The following CFAP221 variants were observed in gnomAD, a reference collection of about 807,000 sequenced individuals.
CFAP221 encodes the protein cilia- and flagella-associated protein 221.
A neutral mutation model predicts 113.1 loss-of-function variants in CFAP221; 97 were observed. The ratio of observed to expected loss-of-function variants is 0.86; its 90% CI spans 0.73 to 1.02. CFAP221 has a LOEUF of 1.02. Among genes scored for constraint, CFAP221 ranks in the 50% least tolerant of loss-of-function variants. The pLI is 0.00. For missense variants in CFAP221, 1,025 were observed against 1,013.4 expected, an observed-to-expected ratio of 1.01 and a Z score of -0.16; for synonymous variants, 331 against 354.4, an observed-to-expected ratio of 0.93 and a Z score of 0.74.
chr2:119,633,142 A>G (rs907381977), intron 19 of CFAP221, among the ~76,000 whole-genome samples: 1 of 152,056 alleles, frequency 6.6e-6, no homozygotes, highest in African/African-American at 2.4e-5. Context: ...ATGTTAGAAC[A>G]TTTGGATATC....
At position 119,551,875 on chromosome 2, in the gene CFAP221, T is replaced by A. The variant is rs116932917; in HGVS notation, c.240+2690T>A. Among the ~76,000 whole-genome samples, 148 of 152,352 alleles carry A rather than the reference T, an allele frequency of 9.7e-4. No individual in the cohort carries two copies. In the East Asian group the frequency reaches 0.027, roughly 28 times the overall value. On this transcript the variant is annotated intron_variant, in intron 3 of 23. Transcript: ENST00000413369. Reference sequence around the variant, plus strand: ...CTTAAGAATATTAAGTCACAATTCTTTTTTATAATAAATGTTTCGTAACTT... The same window carrying A: ...CTTAAGAATATTAAGTCACAATTCTATTTTATAATAAATGTTTCGTAACTT...
At chr2:119,559,413 A>G (rs986987172) in intron 3 of CFAP221, among the ~76,000 whole-genome samples, 1 of 151,984 alleles carries the variant, frequency 6.6e-6, no homozygotes, top group African/African-American at 2.4e-5. Flanking sequence ...AGGGGGCCCT[A>G]AAGGATGCTA....
Position 119,628,289 on chromosome 2 carries a change from T to TCTGGGG in CFAP221, c.1650+503_1650+504insCTGGGG, listed in dbSNP as rs376279965. Among the ~76,000 whole-genome samples, 7 of 8,884 alleles carry TCTGGGG rather than the reference T, an allele frequency of 7.9e-4. 1 individual carries two copies. The highest frequency in any genetic ancestry group is 1.4e-3 in the African/African-American group (7 of 5,082). The allele number at this position is 8,884 out of a possible 152,430, so 5.8% of individuals were successfully genotyped here. On this transcript the variant is annotated intron_variant, in intron 16 of 23. Transcript: ENST00000413369. The stretch of plus-strand genomic sequence containing the variant: ...ACCCACTTCTCTCTCTCTCTCTCTC[T>TCTGGGG]GGGGGGTGTGTGTGTGTGTGTGTGT...
intron 7 of CFAP221, chr2:119,589,855 G>A (rs981057810): frequency 6.6e-6 from 1 of 152,140 alleles, no homozygotes; most frequent in African/African-American, 2.4e-5. Flanking sequence ...TTCCTGTACT[G>A]CTGACAAGAA....
chr2:119,615,704 C>T lies in CFAP221; in HGVS notation c.1405C>T (p.Arg469Cys), dbSNP rs769264898. Reference protein sequence around the residue: ...RAQKRFQQVARKVMIQGRLFN... With the variant: ...RAQKRFQQVACKVMIQGRLFN... ...ACAAAAACGGTTTCAACAAGTAGCA[C>T]GCAAGGTAAGTCTCAGCACCAGCTG... Residue 469 changes from arginine to cysteine, a missense_variant, in exon 14 of 24, where the codon CGC becomes TGC. Arg to Cys is a radical substitution (Grantham distance 180, BLOSUM62 -3). Transcript: ENST00000413369. 49 of 1,607,866 alleles carry T rather than the reference C, an allele frequency of 3.0e-5. No individual in the cohort carries two copies. The highest frequency in any genetic ancestry group is 1.3e-4 in the East Asian group (6 of 44,766).
chr2:119,589,556 A>G (rs144016156), intron 7 of CFAP221: 2 of 152,362 alleles, frequency 1.3e-5, no homozygotes, highest in East Asian at 3.9e-4. Context: ...TTTCTAAAAG[A>G]CTTGGGACAT....
Position 119,569,408 on chromosome 2 carries a change from G to T in CFAP221, c.527+7294G>T, listed in dbSNP as rs191267914. 8.4e-3 allele frequency among the ~76,000 whole-genome samples: 1,216 copies of T among 144,400 alleles called. 6 individuals carry two copies. Among genetic ancestry groups the T allele is most frequent in the Non-Finnish European group, 0.014 (942 of 65,620 alleles). The allele number at this position is 144,400 out of a possible 152,430, so 94.7% of individuals were successfully genotyped here. On this transcript the variant is annotated intron_variant, in intron 6 of 23. Coordinates refer to ENST00000413369, the MANE Select transcript of CFAP221 (RefSeq NM_001271049.2). Reference sequence around the variant, plus strand: ...GCTGGGATTACAGATGTGAGCCACCGCACCGGCCTTCTTTCAATATTTTTT... The same window carrying T: ...GCTGGGATTACAGATGTGAGCCACCTCACCGGCCTTCTTTCAATATTTTTT...
chr2:119,571,354 G>A (rs947495845), intron 6 of CFAP221, among the ~76,000 whole-genome samples: 1 of 151,802 alleles, frequency 6.6e-6, no homozygotes, highest in Non-Finnish European at 1.5e-5. Flanking sequence ...TGGTCAGTCT[G>A]GTCTCGAATT....
At chr2:119,615,791 CT>C in intron 14 of CFAP221, 82 bp downstream of exon 14, 1 of 1,003,508 alleles carries the variant, frequency 1.0e-6, no homozygotes, top group Non-Finnish European at 1.5e-6. Context: ...TTGATAACAC[CT>C]TTATTGAGAT....
intron 6 of CFAP221, among the ~76,000 whole-genome samples, chr2:119,564,084 G>A (rs945628653): frequency 4.6e-5 from 7 of 152,232 alleles, no homozygotes; most frequent in African/African-American, 1.4e-4. Context: ...TAAAGAGCCT[G>A]CAGGCAGCAC....
rs756039123 is a variant in CFAP221 at position 119,630,693 on chromosome 2, C to A, written c.1839+16C>A. 4 of 1,605,982 alleles carry A rather than the reference C, an allele frequency of 2.5e-6. No homozygotes were observed. In the South Asian group the frequency reaches 4.4e-5, roughly 18 times the overall value. Reference sequence around the variant, plus strand: ...AGGAGCTGAGGTAACACACCCCCATCTTCCAGAATCTCTCTCATCTTTTCC... The same window carrying A: ...AGGAGCTGAGGTAACACACCCCCATATTCCAGAATCTCTCTCATCTTTTCC... On this transcript the variant is annotated intron_variant, in intron 18 of 23. Coordinates refer to ENST00000413369, the MANE Select transcript of CFAP221 (RefSeq NM_001271049.2).
intron 6 of CFAP221, among the ~76,000 whole-genome samples, chr2:119,567,314 AT>A (rs985929156): frequency 1.3e-5 from 2 of 151,922 alleles, no homozygotes; most frequent in African/African-American, 4.8e-5. Flanking sequence ...ACCACTGTTT[AT>A]TTTTTTTACT....
chr2:119,649,851 G>A (rs1688022692), intron 22 of CFAP221, among the ~76,000 whole-genome samples: 1 of 152,200 alleles, frequency 6.6e-6, no homozygotes. Flanking sequence ...TGGGTTGACC[G>A]AGGCCATCTG....
intron 23 of CFAP221, among the ~76,000 whole-genome samples, chr2:119,652,494 T>C (rs1270632050): frequency 1.3e-5 from 2 of 152,178 alleles, no homozygotes; most frequent in Non-Finnish European, 2.9e-5. Flanking sequence ...ATAAAATCTG[T>C]CTGTCACAGG....
intron 2 of CFAP221, among the ~76,000 whole-genome samples, 183 bp from the exon 3 acceptor site, chr2:119,548,902 G>T (rs1238027741): frequency 6.6e-6 from 1 of 152,140 alleles, no homozygotes; most frequent in African/African-American, 2.4e-5. Context: ...AAAATAGAGA[G>T]GGAGAAAGAG....
At chr2:119,632,938 T>A (rs1686877731) in intron 19 of CFAP221, among the ~76,000 whole-genome samples, 1 of 151,998 alleles carries the variant, frequency 6.6e-6, no homozygotes, top group South Asian at 2.1e-4. Context: ...CAAAAATGTA[T>A]AAGACCAGTA....
At chr2:119,629,454 C>A in intron 16 of CFAP221, among the ~76,000 whole-genome samples, 1 of 152,290 alleles carries the variant, frequency 6.6e-6, no homozygotes, top group South Asian at 2.1e-4. Flanking sequence ...CTTCAACCTG[C>A]CATGGAGGTG....
intron 21 of CFAP221, among the ~76,000 whole-genome samples, chr2:119,642,939 T>C (rs115860363): frequency 0.028 from 4,248 of 151,700 alleles, 135 homozygotes; most frequent in Admixed American, 0.072. Context: ...TACCATCACA[T>C]TGGGGGTTAA....
chr2:119,658,039 C>A (rs552120266), downstream of CFAP221, among the ~76,000 whole-genome samples: 2 of 152,276 alleles, frequency 1.3e-5, no homozygotes, highest in Admixed American at 6.5e-5. Flanking sequence ...ATGCAAACAT[C>A]CTGTTTCTCC....
Sources: allele counts gnomAD v4.1 joint callset (sites outside exome capture counted in the v4.1 genomes callset), GRCh38; gene constraint gnomAD v4.1.1; transcripts MANE v1.5; gene names NCBI Gene and HGNC (gene_info 2026-07-23, HGNC 2026-07-21).